KCNS3: variants seen among roughly 807,000 people sequenced by gnomAD.
The protein encoded by KCNS3 is potassium voltage-gated channel modifier subfamily S member 3, also known as delayed-rectifier potassium channel regulatory subunit KCNS3.
In KCNS3, 13 loss-of-function variants were observed where a neutral mutation model predicts 31.0. The ratio of observed to expected loss-of-function variants is 0.42; its 90% CI spans 0.27 to 0.67. KCNS3 has a LOEUF of 0.67. Among genes scored for constraint, KCNS3 ranks in the 30% least tolerant of loss-of-function variants. The probability of loss-of-function intolerance (pLI) is 0.25; values close to 1 mark genes in which losing one functional copy is unlikely to be tolerated. For missense variants in KCNS3, 545 were observed against 622.4 expected (o/e 0.88, Z 1.32); for synonymous variants, 238 against 241.5 (o/e 0.99, Z 0.13).
At chr2:17,897,801 T>A (rs903039319) in intron 1 of KCNS3, among the ~76,000 whole-genome samples, 3 of 152,200 alleles carry the variant, frequency 2.0e-5, no homozygotes, top group African/African-American at 7.2e-5. Context: ...GTCAATTATT[T>A]TTGTTAAAAT....
intron 1 of KCNS3, among the ~76,000 whole-genome samples, chr2:17,904,442 G>C (rs1006426649): frequency 1.4e-4 from 21 of 152,034 alleles, no homozygotes; most frequent in Non-Finnish European, 1.3e-4. Flanking sequence ...TTCTTTTGCT[G>C]TGCAGAAGCT....
intron 1 of KCNS3, among the ~76,000 whole-genome samples, chr2:17,902,648 A>G (rs144107306): frequency 0.013 from 1,952 of 152,278 alleles, 19 homozygotes; most frequent in Non-Finnish European, 0.021. Flanking sequence ...TTTAATATGT[A>G]AGCAGCCATG....
In KCNS3 at chr2:17,931,123, A is replaced by G. The variant is rs1232849658; in HGVS notation, c.115A>G (p.Thr39Ala). The G allele has an allele frequency of 6.2e-7, 1 of 1,614,208 alleles. No individual in the cohort carries two copies. Residue 39 changes from threonine to alanine, a missense_variant, in exon 3 of 3, where the codon ACC (threonine) becomes GCC (alanine). Coordinates refer to ENST00000304101, the MANE Select transcript of KCNS3 (RefSeq NM_002252.5). The surrounding 1 kb of genome is among the most constrained non-coding windows in gnomAD (Gnocchi z 5.4). ...DQSTLLRFPH[T>A]RLGKLLTCHS... is the part of the protein sequence containing the mutation. ...AAGCACCCTCCTGCGGTTTCCTCAC[A>G]CCAGACTGGGGAAGCTGCTTACTTG...
rs770320711 is a variant in KCNS3, at chr2:17,931,726, C to T, written c.718C>T (p.Arg240Trp). Residue 240 changes from arginine to tryptophan, a missense_variant, in exon 3 of 3, where the codon CGG becomes TGG. Arg to Trp is a moderately radical substitution (Grantham distance 101). Transcript: ENST00000304101. This position sits in a 1 kb window ranked among gnomAD's most constrained non-coding sequence, Gnocchi z 5.4. ...IAWFTGELAV[R>W]LAAAPCQKKF... ...CTGGTTCACCGGGGAGCTTGCCGTC[C>T]GGCTGGCTGCCGCTCCTTGTCAAAA... is the stretch of plus-strand genomic sequence containing the variant. 2.4e-5 allele frequency: 38 copies of T among 1,613,800 alleles called. No individual in the cohort carries two copies. Among genetic ancestry groups the T allele is most frequent in the Admixed American group, 1.2e-4 (7 of 60,002 alleles).
chr2:17,894,162 T>G (rs1377765671), intron 1 of KCNS3, among the ~76,000 whole-genome samples: 1 of 152,000 alleles, frequency 6.6e-6, no homozygotes, highest in Non-Finnish European at 1.5e-5. Context: ...TCAGAAACAA[T>G]TTCCATGCAG....
intron 1 of KCNS3, among the ~76,000 whole-genome samples, chr2:17,909,572 A>T (rs1662423456): frequency 6.6e-6 from 1 of 152,080 alleles, no homozygotes; most frequent in East Asian, 1.9e-4. Context: ...TGTAGACCGG[A>T]GCTGTTCCTA....
At chr2:17,916,018 CTG>C (rs140319107) in intron 1 of KCNS3, among the ~76,000 whole-genome samples, 4,089 of 152,248 alleles carry the variant, frequency 0.027, 143 homozygotes, top group African/African-American at 0.079. Context: ...CTCAGTCTGT[CTG>C]TGGACCAGCC....
Position 17,918,542 on chromosome 2 carries a change from G to A in KCNS3, c.-60+671G>A, listed in dbSNP as rs143681927. On this transcript the variant is annotated intron_variant, in intron 2 of 2. Coordinates refer to ENST00000304101, the MANE Select transcript of KCNS3 (RefSeq NM_002252.5). Reference sequence around the variant, plus strand: ...TGTTTGACTTGTTTGGTCACCGGAGGTATTTAATTTTGCCATGCCTGTTCT... The same window carrying A: ...TGTTTGACTTGTTTGGTCACCGGAGATATTTAATTTTGCCATGCCTGTTCT... 7.5e-3 allele frequency among the ~76,000 whole-genome samples: 1,148 copies of A among 152,246 alleles called. 13 individuals are homozygous for A. Among genetic ancestry groups the A allele is most frequent in the African/African-American group, 0.026 (1,082 of 41,554 alleles).
At chr2:17,904,339 T>A (rs1279033540) in intron 1 of KCNS3, among the ~76,000 whole-genome samples, 12 of 152,148 alleles carry the variant, frequency 7.9e-5, no homozygotes, top group African/African-American at 2.7e-4. Flanking sequence ...GTTGGAGTTC[T>A]TTGTATATTC....
intron 1 of KCNS3, among the ~76,000 whole-genome samples, chr2:17,886,588 T>G (rs6758967): frequency 6.6e-6 from 1 of 151,922 alleles, no homozygotes; most frequent in Non-Finnish European, 1.5e-5. Context: ...TGAGCTTCCA[T>G]GACAGAGCTT....
chr2:17,883,806 C>T (rs1167808400), intron 1 of KCNS3, among the ~76,000 whole-genome samples: 3 of 151,840 alleles, frequency 2.0e-5, no homozygotes, highest in African/African-American at 7.3e-5. Flanking sequence ...CACCTGCACA[C>T]GTATGTTTAT....
intron 1 of KCNS3, among the ~76,000 whole-genome samples, chr2:17,887,525 A>ATCTG (rs1298446265): frequency 6.6e-6 from 1 of 151,288 alleles, no homozygotes; most frequent in Admixed American, 6.6e-5. Flanking sequence ...CTATCTATCT[A>ATCTG]TCTATCTCTG....
Position 17,931,456 on chromosome 2 carries a change from T to C in KCNS3, c.448T>C (p.Ser150Pro), listed in dbSNP as rs1662965379. Residue 150 changes from serine (S) to proline (P), a missense_variant, in exon 3 of 3, where the codon TCT becomes CCT. Transcript: ENST00000304101. The surrounding 1 kb of genome is among the most constrained non-coding windows in gnomAD (Gnocchi z 5.4). ...VSTDSSFEES[S>P]LFEKELEKFD... The stretch of plus-strand genomic sequence containing the variant: ...TACCGACTCCTCGTTTGAAGAGTCG[T>C]CTCTGTTTGAGAAAGAGCTGGAGAA... 3 of 1,614,010 alleles carry C rather than the reference T, an allele frequency of 1.9e-6. No individual in the cohort carries two copies. Among genetic ancestry groups the C allele is most frequent in the African/African-American group, 1.3e-5 (1 of 74,908 alleles).
intron 1 of KCNS3, among the ~76,000 whole-genome samples, chr2:17,910,196 G>A (rs548210771): frequency 2.0e-5 from 3 of 152,286 alleles, no homozygotes; most frequent in Non-Finnish European, 4.4e-5. Flanking sequence ...CTAGCAGTAG[G>A]TCTATAACTA....
chr2:17,898,841 A>G (rs1662093892), intron 1 of KCNS3, among the ~76,000 whole-genome samples: 1 of 152,174 alleles, frequency 6.6e-6, no homozygotes, highest in Non-Finnish European at 1.5e-5. Context: ...GAGTGGGTCA[A>G]ATTAGCATCA....
upstream of KCNS3, among the ~76,000 whole-genome samples, chr2:17,878,409 C>G (rs1035448228): frequency 6.6e-6 from 1 of 151,856 alleles, no homozygotes; most frequent in Admixed American, 6.6e-5. Flanking sequence ...TGCACTTGGG[C>G]CTGGGCGGGG....
intron 2 of KCNS3, among the ~76,000 whole-genome samples, chr2:17,918,855 A>G (rs1322131131): frequency 6.6e-6 from 1 of 152,202 alleles, no homozygotes; most frequent in African/African-American, 2.4e-5. Flanking sequence ...AGAAGAGAGA[A>G]CCATTAATTT....
rs539150724 is a variant in KCNS3 at position 17,907,463 on chromosome 2, A to G, written c.-251-10217A>G. Among the ~76,000 whole-genome samples, 6 of 152,282 alleles carry G rather than the reference A, an allele frequency of 3.9e-5. No individual in the cohort carries two copies. The East Asian group carries it at 1.2e-3, about 29-fold the overall frequency. On this transcript the variant is annotated intron_variant, in intron 1 of 2. Coordinates refer to ENST00000304101, the MANE Select transcript of KCNS3 (RefSeq NM_002252.5). ...TGGAACATTTAGCCCATTTACATTTAAGGTTAATATTGTTATGTGTGAATT... is the reference window on the plus strand; with the variant it reads ...TGGAACATTTAGCCCATTTACATTTGAGGTTAATATTGTTATGTGTGAATT...
Position 17,909,158 on chromosome 2 carries a change from C to T in KCNS3, c.-251-8522C>T, listed in dbSNP as rs369527162. Among the ~76,000 whole-genome samples, 298 of 152,320 alleles carry T rather than the reference C, an allele frequency of 2.0e-3. 1 individual carries two copies. The East Asian group carries it at 0.024, about 12-fold the overall frequency. On this transcript the variant is annotated intron_variant, in intron 1 of 2. Transcript: ENST00000304101. ...TTACCTACTCAAGCCTCAGCAATGG[C>T]GGGCGCCCCTCCCCCAGCCTCGCTG... is the stretch of plus-strand genomic sequence containing the variant.
Sources: gnomAD v4.1 joint callset for allele counts (sites outside exome capture counted in the v4.1 genomes callset) on GRCh38, gnomAD v4.1.1 for gene constraint, Gnocchi (gnomAD v3.1) non-coding constraint, MANE v1.5 for transcripts, NCBI Gene and HGNC (gene_info 2026-07-23, HGNC 2026-07-21) for gene names.